The following ACAT1 variants were observed in gnomAD, a reference collection of about 807,000 sequenced individuals.
ACAT1 encodes the protein acetyl-CoA acetyltransferase, mitochondrial.
Under a neutral mutation model 47.3 loss-of-function variants are expected in ACAT1, and 28 were observed. That is an observed-to-expected ratio of 0.59 (90% CI 0.44 to 0.81). The LOEUF (loss-of-function observed/expected upper bound fraction) is 0.81. Among genes scored for constraint, ACAT1 ranks in the 30% least tolerant of loss-of-function variants. The pLI is 0.00. For synonymous variants in ACAT1, 181 were observed against 173.6 expected, an observed-to-expected ratio of 1.04 and a Z score of -0.34; for missense variants, 469 against 524.3, an observed-to-expected ratio of 0.89 and a Z score of 1.03.
chr11:108,139,554 T>A (rs1282948156), intron 6 of ACAT1, among the ~76,000 whole-genome samples: 1 of 151,646 alleles, frequency 6.6e-6, no homozygotes, highest in Non-Finnish European at 1.5e-5. Context: ...ATTGCACCAC[T>A]GCACTCCAGC....
chr11:108,134,447 A>G, intron 4 of ACAT1, 131 bp downstream of exon 4: 1 of 646,526 alleles, frequency 1.5e-6, no homozygotes, highest in Non-Finnish European at 2.8e-6. Flanking sequence ...GATGGAGACC[A>G]TCCTGGCCAA....
At chr11:108,141,471 AGT>A (rs941633631) in intron 7 of ACAT1, 132 bp from the exon 8 acceptor site, 3 of 625,688 alleles carry the variant, frequency 4.8e-6, no homozygotes, top group Non-Finnish European at 8.7e-6. Context: ...ATTCTAGATG[AGT>A]GTTTACTTGG....
At chr11:108,126,238 A>G (rs1240688938) in intron 1 of ACAT1, among the ~76,000 whole-genome samples, 3 of 152,068 alleles carry the variant, frequency 2.0e-5, no homozygotes, top group African/African-American at 4.8e-5. Flanking sequence ...TCTAATCTCA[A>G]GTGATCCACC....
intron 10 of ACAT1, among the ~76,000 whole-genome samples, chr11:108,145,888 A>G (rs1307042948): frequency 1.3e-5 from 2 of 152,148 alleles, no homozygotes; most frequent in Non-Finnish European, 2.9e-5. Flanking sequence ...TCTACTAAAA[A>G]TACAAAAAAT....
chr11:108,121,468 G>C (rs1211702861), upstream of ACAT1: 34 of 991,206 alleles, frequency 3.4e-5, no homozygotes, highest in Non-Finnish European at 5.1e-5. Context: ...CTTGGCTGCC[G>C]GCCAATCGCC....
At chr11:108,123,811 C>G (rs1294777584) in intron 1 of ACAT1, among the ~76,000 whole-genome samples, 1 of 152,108 alleles carries the variant, frequency 6.6e-6, no homozygotes, top group Admixed American at 6.6e-5. Context: ...CCATTGTGCT[C>G]AGCCCAAGTT....
At chr11:108,118,225 G>A (rs544735627), upstream of ACAT1, among the ~76,000 whole-genome samples, 264 of 152,002 alleles carry the variant, frequency 1.7e-3, no homozygotes, top group Middle Eastern at 0.01. Context: ...GACCAGCCTG[G>A]GCAACATAGT....
At chr11:108,126,866 C>T (rs2077258971) in intron 1 of ACAT1, among the ~76,000 whole-genome samples, 1 of 143,018 alleles carries the variant, frequency 7.0e-6, no homozygotes, top group Non-Finnish European at 1.5e-5. Context: ...AATCTCAGCT[C>T]ACTGCAACCT....
At chr11:108,122,740 C>T (rs1419705671) in intron 1 of ACAT1, among the ~76,000 whole-genome samples, 3 of 152,080 alleles carry the variant, frequency 2.0e-5, no homozygotes, top group South Asian at 2.1e-4. Flanking sequence ...AGTCACAAGG[C>T]GTAGGTTTCC....
chr11:108,136,608 T>C (rs975611123), intron 5 of ACAT1: 2 of 152,344 alleles, frequency 1.3e-5, no homozygotes, highest in African/African-American at 4.8e-5. Context: ...ATTTTATTCA[T>C]TTGTGGATAT....
chr11:108,135,928 T>A (rs2077459800), intron 5 of ACAT1: 3 of 424,992 alleles, frequency 7.1e-6, no homozygotes, highest in East Asian at 3.5e-5. Context: ...CAGGTTTTCA[T>A]TATAAAGGAG....
At chr11:108,143,833 G>T in intron 9 of ACAT1, 150 bp from the exon 10 acceptor site, 1 of 765,000 alleles carries the variant, frequency 1.3e-6, no homozygotes. Flanking sequence ...ATTTTATAAA[G>T]TGTAGAATCC....
chr11:108,121,591 T>C lies in ACAT1; in HGVS notation c.-16T>C, dbSNP rs779836916. On this transcript the variant is annotated 5_prime_UTR_variant, in exon 1 of 12. Coordinates refer to ENST00000265838, the MANE Select transcript of ACAT1 (RefSeq NM_000019.4). ...TAGTCTACGCCTGTGGAGCCGATAC[T>C]CAGCCCTCTGCGACCATGGCTGTGC... 1.3e-6 allele frequency: 2 copies of C among 1,550,240 alleles called. No homozygotes were observed. The highest frequency in any genetic ancestry group is 1.7e-6 in the Non-Finnish European group (2 of 1,146,820).
chr11:108,136,263 AGTG>A (rs372228413), intron 5 of ACAT1: 138 of 417,338 alleles, frequency 3.3e-4, no homozygotes, highest in African/African-American at 2.4e-3. Flanking sequence ...TTGGAAATAG[AGTG>A]GTGAACAAAA....
At chr11:108,124,424 C>T (rs571842495) in intron 1 of ACAT1, among the ~76,000 whole-genome samples, 5 of 152,066 alleles carry the variant, frequency 3.3e-5, no homozygotes, top group African/African-American at 7.2e-5. Flanking sequence ...CCACCACACC[C>T]GCTACTTTTT....
chr11:108,134,161 T>C, intron 3 of ACAT1, 60 bp from the exon 4 acceptor site: 3 of 1,439,504 alleles, frequency 2.1e-6, no homozygotes, highest in Non-Finnish European at 2.9e-6. Flanking sequence ...CCTTATTAGG[T>C]AATCACTGAT....
intron 7 of ACAT1, among the ~76,000 whole-genome samples, chr11:108,141,369 C>CAAAAAAAAAAAAAA (rs60002941): frequency 8.7e-5 from 6 of 69,328 alleles, no homozygotes; most frequent in Non-Finnish European, 1.0e-4. Context: ...AACCCTGCCT[C>CAAAAAAAAAAAAAA]AAAAAAAAAA....
At position 108,140,064 on chromosome 11, in the gene ACAT1, G is replaced by C. The variant is rs754503708; in HGVS notation, c.580-1G>C. On this transcript the variant is annotated splice_acceptor_variant, in intron 6 of 11. Transcript: ENST00000265838. LOFTEE classifies it high-confidence loss of function. ...TTTAAAATATTTCAACTTTTTATCAGGGCAGCTGTGCTGAGAATACAGCAA... is the reference window on the plus strand; with the variant it reads ...TTTAAAATATTTCAACTTTTTATCACGGCAGCTGTGCTGAGAATACAGCAA... The C allele has an allele frequency of 1.9e-6, 3 of 1,613,526 alleles. No individual in the cohort carries two copies. Among genetic ancestry groups the C allele is most frequent in the Non-Finnish European group, 8.5e-7 (1 of 1,179,632 alleles).
Position 108,121,653 on chromosome 11 carries a change from G to GC in ACAT1, c.52dup (p.Leu18ProfsTer49), listed in dbSNP as rs1476273214. 2.6e-6 allele frequency: 4 copies of GC among 1,549,942 alleles called. No homozygotes were observed. Among genetic ancestry groups the GC allele is most frequent in the Admixed American group, 3.9e-5 (2 of 51,112 alleles). ...CTGCGCAGCGGCGCCCGCAGCCGCAGCCCCCTGCTCCGGAGGCTGGTGCAG... is the reference window on the plus strand; with the variant it reads ...CTGCGCAGCGGCGCCCGCAGCCGCAGCCCCCCTGCTCCGGAGGCTGGTGCAG... On this transcript the variant is annotated frameshift_variant, in exon 1 of 12. Coordinates refer to ENST00000265838, the MANE Select transcript of ACAT1 (RefSeq NM_000019.4). LOFTEE classifies it high-confidence loss of function.
Sources: gnomAD v4.1 joint callset for allele counts (sites outside exome capture counted in the v4.1 genomes callset) on GRCh38, gnomAD v4.1.1 for gene constraint, MANE v1.5 for transcripts, NCBI Gene and HGNC (gene_info 2026-07-23, HGNC 2026-07-21) for gene names.